The following PHF12 variants were observed in gnomAD, a reference collection of about 807,000 sequenced individuals.
PHF12 encodes the protein PHD finger protein 12.
PHF12 carries 6 observed loss-of-function variants against 99.8 expected under a neutral mutation model. The observed-to-expected ratio is 0.06, with a 90% CI of 0.03 to 0.12. PHF12 has a LOEUF of 0.12. Among genes scored for constraint, PHF12 ranks in the 10% least tolerant of loss-of-function variants. The pLI is 1.00. For synonymous variants in PHF12, 480 were observed against 514.9 expected (o/e 0.93, Z 0.92); for missense variants, 954 against 1,300.1 (o/e 0.73, Z 4.09).
At chr17:28,923,705 G>GAAAAAAAAAAA (rs2040212704) in intron 4 of PHF12, among the ~76,000 whole-genome samples, 1 of 129,074 alleles carries the variant, frequency 7.7e-6, no homozygotes, top group South Asian at 2.4e-4. Flanking sequence ...GGAGGGGAAG[G>GAAAAAAAAAAA]AAAGAAGTTC....
chr17:28,908,832 C>T lies in PHF12; in HGVS notation c.2409G>A (p.Gly803=). The change falls in exon 12 of 15, where the codon GGG becomes GGA. Residue 803 remains glycine, a synonymous_variant. Coordinates refer to ENST00000332830, the MANE Select transcript of PHF12 (RefSeq NM_001033561.2). The part of the protein sequence containing the change: ...QARAVFYPLL[G]LGGAVNMCYR... The stretch of plus-strand genomic sequence containing the variant: ...AGCACATGTTCACAGCTCCTCCCAA[C>T]CCTAAGAGGGGGTAGAACACAGCTC... The T allele has an allele frequency of 6.2e-7, 1 of 1,614,140 alleles. No individual in the cohort carries two copies. Among genetic ancestry groups the T allele is most frequent in the Non-Finnish European group, 8.5e-7 (1 of 1,180,024 alleles).
intron 12 of PHF12, chr17:28,907,890 GCT>G (rs1468885852): frequency 4.5e-6 from 2 of 445,866 alleles, no homozygotes; most frequent in Non-Finnish European, 8.3e-6. Flanking sequence ...CAGCTGATCT[GCT>G]TTAGAACATG....
In PHF12 at chr17:28,906,915, G is replaced by C; in HGVS notation, c.2621C>G (p.Ser874Trp). 1 of 1,613,400 alleles carries C rather than the reference G, an allele frequency of 6.2e-7. No individual in the cohort carries two copies. Among genetic ancestry groups the C allele is most frequent in the Non-Finnish European group, 8.5e-7 (1 of 1,179,668 alleles). The stretch of plus-strand genomic sequence containing the variant: ...TGGGGGGGTTGGCGGGGTCTTCTCC[G>C]AGAAGTCACATGAATACAGCACATT... ...VDNVLYSCDF[S>W]EKTPPTPPSS... Residue 874 changes from serine (S) to tryptophan (W), a missense_variant, in exon 14 of 15, where the codon TCG (serine) becomes TGG (tryptophan). Transcript: ENST00000332830. This position sits in a 1 kb window ranked among gnomAD's most constrained non-coding sequence, Gnocchi z 4.2.
chr17:28,923,347 T>C, intron 4 of PHF12, among the ~76,000 whole-genome samples: 1 of 18,282 alleles, frequency 5.5e-5, no homozygotes, highest in Middle Eastern at 0.021. Flanking sequence ...GAATGTATAA[T>C]ACTTTTTTTT....
chr17:28,941,987 G>A (rs1043045096), intron 2 of PHF12, among the ~76,000 whole-genome samples: 3 of 152,290 alleles, frequency 2.0e-5, no homozygotes, highest in Non-Finnish European at 4.4e-5. Context: ...GCTAGTGGGT[G>A]ACAGGTGAGC....
chr17:28,907,497 C>T (rs1281197759), intron 13 of PHF12, 93 bp downstream of exon 13: 1 of 1,291,752 alleles, frequency 7.7e-7, no homozygotes, highest in African/African-American at 1.5e-5. Flanking sequence ...CCCAATCCCT[C>T]TTCCCTCCCC....
Position 28,912,819 on chromosome 17 carries a change from G to A in PHF12, c.1752C>T (p.Pro584=). The part of the protein sequence containing the change: ...GLSHRQGWPR[P]LTPPAAGGLQ... ...GGCCCCCAGCCGCTGGTGGCGTGAG[G>A]GGCCGGGGCCAGCCTTGCCGGTGTG... The change falls in exon 9 of 15, where the codon CCC becomes CCT. Residue 584 remains proline, a synonymous_variant. Coordinates refer to ENST00000332830, the MANE Select transcript of PHF12 (RefSeq NM_001033561.2). 1.9e-6 allele frequency: 3 copies of A among 1,608,282 alleles called. No homozygotes were observed. Among genetic ancestry groups the A allele is most frequent in the Non-Finnish European group, 1.7e-6 (2 of 1,176,330 alleles).
chr17:28,908,807 A>T lies in PHF12; in HGVS notation c.2434T>A (p.Tyr812Asn). The T allele has an allele frequency of 6.2e-7, 1 of 1,614,128 alleles. No individual in the cohort carries two copies. The highest frequency in any genetic ancestry group is 1.1e-5 in the South Asian group (1 of 91,060). ...CCTGTCCCGATGTAGAGGGTTCGAT[A>T]GCACATGTTCACAGCTCCTCCCAAC... ...LGLGGAVNMC[Y>N]RTLYIGTGAD... Residue 812 changes from tyrosine (Y) to asparagine (N), a missense_variant, in exon 12 of 15, where the codon TAT becomes AAT. This residue lies in a region of PHF12 where 143 missense variants were observed against 191.8 expected (regional missense o/e 0.75). Transcript: ENST00000332830.
intron 2 of PHF12, among the ~76,000 whole-genome samples, chr17:28,936,709 C>CT (rs201828949): frequency 2.0e-5 from 3 of 151,928 alleles, no homozygotes; most frequent in Admixed American, 6.6e-5. Flanking sequence ...CCTCCCCACC[C>CT]TTTTTTTTGG....
chr17:28,911,339 T>A, intron 9 of PHF12, 102 bp from the exon 10 acceptor site: 2 of 1,483,858 alleles, frequency 1.3e-6, no homozygotes, highest in South Asian at 2.6e-5. Context: ...CCCAAGGTGA[T>A]GTTCCCTTCT....
At position 28,950,795 on chromosome 17, in the gene PHF12, G is replaced by A; in HGVS notation, c.66+100C>T. 1 of 1,507,940 alleles carries A rather than the reference G, an allele frequency of 6.6e-7. No individual in the cohort carries two copies. Among genetic ancestry groups the A allele is most frequent in the Non-Finnish European group, 9.0e-7 (1 of 1,116,942 alleles). 93.4% of individuals were successfully genotyped at this position (1,507,940 alleles called of 1,614,324 possible). A position where few individuals can be genotyped will look rare whatever the true frequency, so the allele number is the denominator to read the frequency against. The stretch of plus-strand genomic sequence containing the variant: ...AGGTGAGGAAGAATCCCCCTCCCTC[G>A]GCCATCTAGGCGCTTCGAGTTTAGG... On this transcript the variant is annotated intron_variant, in intron 1 of 14. Coordinates refer to ENST00000332830, the MANE Select transcript of PHF12 (RefSeq NM_001033561.2). The surrounding 1 kb of genome is among the most constrained non-coding windows in gnomAD (Gnocchi z 5.7).
intron 2 of PHF12, chr17:28,930,030 C>CGA (rs968888717): frequency 9.9e-5 from 15 of 152,244 alleles, no homozygotes; most frequent in African/African-American, 3.4e-4. Flanking sequence ...AGATATCCTA[C>CGA]ATCAAACATT....
chr17:28,924,563 C>T (rs1734170001), intron 3 of PHF12: 1 of 535,244 alleles, frequency 1.9e-6, no homozygotes, highest in Admixed American at 3.2e-5. Flanking sequence ...ATATCATTAA[C>T]ATTAACTCAT....
At chr17:28,948,234 C>G (rs866205084) in intron 2 of PHF12, among the ~76,000 whole-genome samples, 15 of 152,188 alleles carry the variant, frequency 9.9e-5, no homozygotes, top group Non-Finnish European at 2.1e-4. Context: ...CGTAAGCCCA[C>G]ATTTTAAATC....
intron 2 of PHF12, among the ~76,000 whole-genome samples, chr17:28,941,113 C>T (rs2152677337): frequency 6.7e-6 from 1 of 149,712 alleles, no homozygotes; most frequent in South Asian, 2.1e-4. Flanking sequence ...TTTCCAGGAG[C>T]TTGTGCTGCA....
chr17:28,911,989 C>A (rs1157441722), intron 9 of PHF12, among the ~76,000 whole-genome samples: 3 of 152,282 alleles, frequency 2.0e-5, no homozygotes, highest in Non-Finnish European at 4.4e-5. Flanking sequence ...GACAGTGCTG[C>A]TGTCTAGCCC....
chr17:28,913,200 G>A lies in PHF12; in HGVS notation c.1371C>T (p.Asp457=), dbSNP rs2039998942. 3 of 1,614,140 alleles carry A rather than the reference G, an allele frequency of 1.9e-6. No individual in the cohort carries two copies. In the East Asian group the frequency reaches 6.7e-5, roughly 36 times the overall value. Residue 457 remains aspartate, a synonymous_variant, in exon 9 of 15, where the codon GAC becomes GAT. Coordinates refer to ENST00000332830, the MANE Select transcript of PHF12 (RefSeq NM_001033561.2). ...TATCAGCCTTCTCTGTCTGTTCAGAGTCCCAATGCGAAGGCATCTGCTTAG... is the reference window on the plus strand; with the variant it reads ...TATCAGCCTTCTCTGTCTGTTCAGAATCCCAATGCGAAGGCATCTGCTTAG... ...LSAKQMPSHW[D]SEQTEKADIK...
chr17:28,948,548 T>C (rs1412333766), intron 2 of PHF12, among the ~76,000 whole-genome samples: 3 of 152,250 alleles, frequency 2.0e-5, no homozygotes, highest in Non-Finnish European at 2.9e-5. Flanking sequence ...GGTGCCCTCC[T>C]GGGCAAAAGT....
At chr17:28,920,022 C>T (rs1050187691) in intron 5 of PHF12, among the ~76,000 whole-genome samples, 2 of 152,140 alleles carry the variant, frequency 1.3e-5, no homozygotes, top group African/African-American at 4.8e-5. Context: ...TTAACTATAG[C>T]AAGAAAATAT....
Sources: allele counts gnomAD v4.1 joint callset (sites outside exome capture counted in the v4.1 genomes callset), GRCh38; gene constraint gnomAD v4.1.1; regional missense constraint gnomAD v4.1.1; non-coding constraint Gnocchi (gnomAD v3.1); transcripts MANE v1.5; gene names NCBI Gene and HGNC (gene_info 2026-07-23, HGNC 2026-07-21).